KLHL12: variants seen among roughly 807,000 people sequenced by gnomAD.
KLHL12 encodes kelch like family member 12, also known as kelch-like protein 12.
KLHL12 carries 17 observed loss-of-function variants against 60.8 expected under a neutral mutation model. That is an observed-to-expected ratio of 0.28 (90% confidence interval 0.19 to 0.42). The LOEUF is 0.42. Ranked by LOEUF, KLHL12 falls within the 10% of genes least tolerant of loss-of-function variation. The pLI, the probability that KLHL12 is intolerant of heterozygous loss-of-function variation, is 1.00. For missense variants in KLHL12, 468 were observed against 722.3 expected (o/e 0.65, Z 4.04); for synonymous variants, 220 against 250.9 (o/e 0.88, Z 1.16).
intron 4 of KLHL12, among the ~76,000 whole-genome samples, chr1:202,916,902 C>T (rs1232873016): frequency 4.0e-5 from 6 of 150,304 alleles, no homozygotes; most frequent in African/African-American, 1.5e-4. Context: ...TGAGCTCAGA[C>T]ATCCAGGCTG....
intron 4 of KLHL12, chr1:202,911,855 A>G (rs1660372977): frequency 2.4e-6 from 2 of 824,982 alleles, no homozygotes; most frequent in Non-Finnish European, 4.2e-6. Flanking sequence ...CAGCTGAGGA[A>G]GCTCTTCATT....
chr1:202,904,815 G>C (rs1009009419), intron 6 of KLHL12, among the ~76,000 whole-genome samples: 1 of 152,166 alleles, frequency 6.6e-6, no homozygotes, highest in Non-Finnish European at 1.5e-5. Flanking sequence ...ATTTCCATTT[G>C]CACTGATCTT....
At chr1:202,914,875 A>G (rs1420239122) in intron 4 of KLHL12, 2 of 152,228 alleles carry the variant, frequency 1.3e-5, no homozygotes, top group East Asian at 3.8e-4. Flanking sequence ...AAAAAAAAAA[A>G]AAAAAAAAGA....
intron 1 of KLHL12, among the ~76,000 whole-genome samples, 158 bp downstream of exon 1, chr1:202,926,931 G>C (rs1356807568): frequency 6.6e-6 from 1 of 152,188 alleles, no homozygotes; most frequent in Non-Finnish European, 1.5e-5. Context: ...GAGGGTGACC[G>C]AGGCCAGATG....
intron 6 of KLHL12, among the ~76,000 whole-genome samples, chr1:202,905,968 C>CTT (rs71142574): frequency 0.035 from 1,811 of 51,664 alleles, 179 homozygotes; most frequent in Admixed American, 0.042. Flanking sequence ...CCACACCTGG[C>CTT]TTTTTTTTTT....
At position 202,918,456 on chromosome 1, in the gene KLHL12, T is replaced by C. The variant is rs139610755; in HGVS notation, c.350-68A>G. 3 of 1,177,794 alleles carry C rather than the reference T, an allele frequency of 2.5e-6. No homozygotes were observed. The East Asian group carries it at 7.0e-5, about 28-fold the overall frequency. 73.0% of individuals were successfully genotyped at this position (1,177,794 alleles called of 1,614,324 possible). The stretch of plus-strand genomic sequence containing the variant: ...AGGTGTGATCTAGGATATATTCTTG[T>C]ATCTCAGCATCTTCTCTACATGTTA... On this transcript the variant is annotated intron_variant, in intron 3 of 11. Transcript: ENST00000367261.
chr1:202,896,930 C>T lies in KLHL12; in HGVS notation c.863G>A (p.Gly288Asp), dbSNP rs1659851397. The T allele has an allele frequency of 1.2e-6, 2 of 1,614,098 alleles. No individual in the cohort carries two copies. The highest frequency in any genetic ancestry group is 1.7e-5 in the Admixed American group (1 of 60,010). The change falls in exon 7 of 12, where the codon GGC becomes GAC. Residue 288 changes from glycine to aspartate, a missense_variant. By Grantham distance (94) the Gly-to-Asp change is moderately conservative (BLOSUM62 -1). Coordinates refer to ENST00000367261, the MANE Select transcript of KLHL12 (RefSeq NM_021633.4). ...AATGGGAGACTGCTGGCTTCCAAAG[C>T]CCCCAACCACCAAAAGCACTTCATT... ...GANEVLLVVG[G>D]FGSQQSPIDV... is the part of the protein sequence containing the mutation.
At chr1:202,907,995 A>T (rs1354260281) in intron 6 of KLHL12, among the ~76,000 whole-genome samples, 1 of 152,180 alleles carries the variant, frequency 6.6e-6, no homozygotes, top group Non-Finnish European at 1.5e-5. Flanking sequence ...ACACCTTAGC[A>T]CGCATCATGA....
intron 6 of KLHL12, among the ~76,000 whole-genome samples, chr1:202,907,465 G>A (rs1249944686): frequency 6.6e-6 from 1 of 151,896 alleles, no homozygotes; most frequent in African/African-American, 2.4e-5. Flanking sequence ...AGCCAGGGAT[G>A]GTGGCAGTCG....
rs1056283433 is a variant in KLHL12 at position 202,923,903 on chromosome 1, G to T, written c.195+1065C>A. Among the ~76,000 whole-genome samples, 5 of 150,502 alleles carry T rather than the reference G, an allele frequency of 3.3e-5. No homozygotes were observed. The South Asian group carries it at 8.4e-4, about 25-fold the overall frequency. Reference sequence around the variant, plus strand: ...CAAACAAAAAACTTGTGCTTAAAAAGACTTTTAAAACAGTGTTTTCATAAT... The same window carrying T: ...CAAACAAAAAACTTGTGCTTAAAAATACTTTTAAAACAGTGTTTTCATAAT... On this transcript the variant is annotated intron_variant, in intron 2 of 11. Coordinates refer to ENST00000367261, the MANE Select transcript of KLHL12 (RefSeq NM_021633.4).
At position 202,893,149 on chromosome 1, in the gene KLHL12, A is replaced by T. The variant is rs1659729165; in HGVS notation, c.1580+90T>A. 49 of 1,064,408 alleles carry T rather than the reference A, an allele frequency of 4.6e-5. 1 individual carries two copies. In the South Asian group the frequency reaches 8.3e-4, roughly 18 times the overall value. 65.9% of individuals were successfully genotyped at this position (1,064,408 alleles called of 1,614,324 possible). ...CACTGGAGATGTCTACCCCTACCCA[A>T]GTCTTGTCTCTGTCCAAAAATGAGG... On this transcript the variant is annotated intron_variant, in intron 11 of 11. Transcript: ENST00000367261. The surrounding 1 kb of genome is among the most constrained non-coding windows in gnomAD (Gnocchi z 4.1).
At chr1:202,906,701 G>A (rs759558651) in intron 6 of KLHL12, among the ~76,000 whole-genome samples, 8 of 151,692 alleles carry the variant, frequency 5.3e-5, no homozygotes, top group Admixed American at 3.3e-4. Flanking sequence ...TCACTCTGTC[G>A]CCCAGGCTGG....
chr1:202,895,996 C>G lies in KLHL12; in HGVS notation c.940-279G>C, dbSNP rs1180376440. Among the ~76,000 whole-genome samples, 1 of 152,184 alleles carries G rather than the reference C, an allele frequency of 6.6e-6. No homozygotes were observed. The highest frequency in any genetic ancestry group is 1.5e-5 in the Non-Finnish European group (1 of 68,040). On this transcript the variant is annotated intron_variant, in intron 7 of 11. Coordinates refer to ENST00000367261, the MANE Select transcript of KLHL12 (RefSeq NM_021633.4). The surrounding 1 kb of genome is among the most constrained non-coding windows in gnomAD (Gnocchi z 4.2). The stretch of plus-strand genomic sequence containing the variant: ...GCTTTCTGTTATCCAATATCTGACT[C>G]CTTTCTCTTCCATAAGGCACTGGGC...
Position 202,918,346 on chromosome 1 carries a change from T to C in KLHL12, c.392A>G (p.Asp131Gly), listed in dbSNP as rs774502549. 6.2e-7 allele frequency: 1 copy of C among 1,613,970 alleles called. No homozygotes were observed. ...CCTAATACCCAGGCAATTAGAAGGG[T>C]CCAACTGACTTTCTAAGAACTCACA... is the stretch of plus-strand genomic sequence containing the variant. Reference protein sequence around the residue: ...ACCEFLESQLDPSNCLGIRDF... With the variant: ...ACCEFLESQLGPSNCLGIRDF... The change falls in exon 4 of 12, where the codon GAC (aspartate) becomes GGC (glycine). Residue 131 changes from aspartate (D) to glycine (G), a missense_variant. Coordinates refer to ENST00000367261, the MANE Select transcript of KLHL12 (RefSeq NM_021633.4).
At chr1:202,920,851 A>C (rs897887081) in intron 2 of KLHL12, among the ~76,000 whole-genome samples, 4 of 152,214 alleles carry the variant, frequency 2.6e-5, no homozygotes, top group African/African-American at 9.6e-5. Context: ...ATGTATTTAC[A>C]GAATAGAATG....
rs1219640111 is a variant in KLHL12 at position 202,911,103 on chromosome 1, C to T, written c.668G>A (p.Arg223Gln). 1.7e-5 allele frequency: 28 copies of T among 1,613,772 alleles called. No homozygotes were observed. The highest frequency in any genetic ancestry group is 2.7e-5 in the African/African-American group (2 of 74,866). Residue 223 changes from arginine (R) to glutamine (Q), a missense_variant, in exon 5 of 12, where the codon CGG becomes CAG. Arg to Gln is a conservative substitution (Grantham distance 43). Transcript: ENST00000367261. ...ATACCTGGGGGTTAGTAGGGGCATC[C>T]GCACATACTGTAGCAGGTTAGGCAA... ...ESLPNLLQYVRMPLLTPRYIT... is the reference protein window; with the variant it reads ...ESLPNLLQYVQMPLLTPRYIT...
chr1:202,904,166 G>A (rs572887077), intron 6 of KLHL12, among the ~76,000 whole-genome samples: 42 of 152,016 alleles, frequency 2.8e-4, no homozygotes, highest in Non-Finnish European at 5.9e-4. Flanking sequence ...CACCAAGCCC[G>A]GCTAATTTTG....
chr1:202,912,877 T>C lies in KLHL12; in HGVS notation c.568-1674A>G, dbSNP rs187767000. 1.6e-4 allele frequency: 106 copies of C among 671,758 alleles called. 1 individual carries two copies. The South Asian group carries it at 1.6e-3, about 10-fold the overall frequency. The allele number at this position is 671,758 out of a possible 1,614,324, so 41.6% of individuals were successfully genotyped here. A position where few individuals can be genotyped will look rare whatever the true frequency, so the allele number is the denominator to read the frequency against. On this transcript the variant is annotated intron_variant, in intron 4 of 11. Transcript: ENST00000367261. ...GACATGTTTTAGACAAATACTCATG[T>C]GTATGGGCAAAAAACTCGAGGACTG...
chr1:202,923,326 C>A (rs1311194156), intron 2 of KLHL12, among the ~76,000 whole-genome samples: 5 of 152,194 alleles, frequency 3.3e-5, no homozygotes. Flanking sequence ...TCTCTTTACC[C>A]AGTTAAATTC....
Sources: gnomAD v4.1 joint callset for allele counts (sites outside exome capture counted in the v4.1 genomes callset) on GRCh38, gnomAD v4.1.1 for gene constraint, Gnocchi (gnomAD v3.1) non-coding constraint, MANE v1.5 for transcripts, NCBI Gene and HGNC (gene_info 2026-07-23, HGNC 2026-07-21) for gene names.